The following DYTN variants were observed in gnomAD, a reference collection of about 807,000 sequenced individuals.
The protein encoded by DYTN is dystrotelin.
DYTN carries 75 observed loss-of-function variants against 69.6 expected under a neutral mutation model. The observed-to-expected ratio is 1.08, with a 90% confidence interval of 0.89 to 1.31. The LOEUF is 1.31. Ranked by LOEUF, DYTN falls within the 50% of genes most tolerant of loss-of-function variation. The pLI, the probability that DYTN is intolerant of heterozygous loss-of-function variation, is 0.00. For synonymous variants in DYTN, 252 were observed against 249.1 expected (o/e 1.01, Z -0.11); for missense variants, 726 against 688.4 (o/e 1.05, Z -0.61).
intron 1 of DYTN, among the ~76,000 whole-genome samples, chr2:206,717,037 G>T (rs1374427852): frequency 1.2e-5 from 1 of 80,116 alleles, no homozygotes. Context: ...TTTTTCTGCC[G>T]ATGCAAACAC....
At chr2:206,708,628 T>C (rs1416171248) in intron 2 of DYTN, among the ~76,000 whole-genome samples, 1 of 152,218 alleles carries the variant, frequency 6.6e-6, no homozygotes, top group African/African-American at 2.4e-5. Context: ...TTTCATCTCC[T>C]GCTGAGAGTT....
chr2:206,666,093 T>C, intron 9 of DYTN, 64 bp from the exon 10 acceptor site: 4 of 1,561,954 alleles, frequency 2.6e-6, no homozygotes, highest in Non-Finnish European at 3.5e-6. Context: ...ATTAGAGCCC[T>C]GGTAAGATGT....
chr2:206,677,103 C>T (rs111277562), intron 9 of DYTN, among the ~76,000 whole-genome samples: 21,101 of 151,936 alleles, frequency 0.14, 2,433 homozygotes, highest in African/African-American at 0.31. Flanking sequence ...TGTGCCACCA[C>T]GCCTGGCTAA....
intron 1 of DYTN, among the ~76,000 whole-genome samples, chr2:206,716,242 A>G (rs1002920146): frequency 1.3e-5 from 2 of 152,192 alleles, no homozygotes; most frequent in East Asian, 1.9e-4. Context: ...GCTGTTACAC[A>G]TAAGATACTG....
chr2:206,706,441 T>A (rs1329783052), intron 3 of DYTN, among the ~76,000 whole-genome samples: 1 of 148,832 alleles, frequency 6.7e-6, no homozygotes, highest in Non-Finnish European at 1.5e-5. Context: ...GAAGCTGAAA[T>A]GAAAAAATAA....
intron 6 of DYTN, 56 bp downstream of exon 6, chr2:206,700,089 C>T: frequency 1.9e-6 from 3 of 1,605,310 alleles, no homozygotes; most frequent in South Asian, 1.1e-5. Flanking sequence ...AGTCAGCAAA[C>T]TATCCCAATA....
chr2:206,707,193 C>T (rs905087879), intron 3 of DYTN, 109 bp downstream of exon 3: 1 of 1,329,592 alleles, frequency 7.5e-7, no homozygotes, highest in Non-Finnish European at 1.0e-6. Flanking sequence ...ACAAAGAAGA[C>T]TTCTTATATA....
intron 9 of DYTN, among the ~76,000 whole-genome samples, chr2:206,668,125 C>A (rs890540823): frequency 2.0e-5 from 3 of 152,016 alleles, no homozygotes; most frequent in African/African-American, 7.2e-5. Flanking sequence ...ACACAGCCAA[C>A]AACAAAAAAA....
chr2:206,660,947 C>A (rs747028816), intron 11 of DYTN, among the ~76,000 whole-genome samples: 1 of 152,130 alleles, frequency 6.6e-6, no homozygotes, highest in Non-Finnish European at 1.5e-5. Flanking sequence ...GCCTGACTAA[C>A]CCCTAGTGCC....
At chr2:206,671,102 C>CT (rs1699624969) in intron 9 of DYTN, among the ~76,000 whole-genome samples, 1 of 152,178 alleles carries the variant, frequency 6.6e-6, no homozygotes, top group South Asian at 2.1e-4. Flanking sequence ...TGAACTGCAA[C>CT]CCCAGGACAA....
chr2:206,672,002 T>A (rs1699635110), intron 9 of DYTN, among the ~76,000 whole-genome samples: 1 of 152,214 alleles, frequency 6.6e-6, no homozygotes, highest in African/African-American at 2.4e-5. Context: ...TAATAGACAC[T>A]ATCCATTTGC....
At chr2:206,651,975 T>A in intron 11 of DYTN, 54 bp from the exon 12 acceptor site, 1 of 1,495,682 alleles carries the variant, frequency 6.7e-7, no homozygotes, top group East Asian at 2.3e-5. Context: ...TAGCTTCTCA[T>A]GAAGATATTG....
At chr2:206,702,368 G>T (rs1699984751) in intron 5 of DYTN, among the ~76,000 whole-genome samples, 1 of 152,250 alleles carries the variant, frequency 6.6e-6, no homozygotes, top group South Asian at 2.1e-4. Context: ...CCCTCCTGCT[G>T]AGTCCATCAA....
chr2:206,680,885 T>C (rs1170987163), intron 9 of DYTN, among the ~76,000 whole-genome samples: 2 of 152,190 alleles, frequency 1.3e-5, no homozygotes, highest in African/African-American at 4.8e-5. Context: ...TGGTTCCATA[T>C]GAAATTTAAA....
intron 9 of DYTN, among the ~76,000 whole-genome samples, chr2:206,680,268 C>T (rs1048454836): frequency 6.6e-5 from 10 of 152,114 alleles, no homozygotes; most frequent in African/African-American, 2.2e-4. Flanking sequence ...TCTTATGAGA[C>T]TTACTCACTA....
chr2:206,665,074 C>T (rs2105888787), intron 10 of DYTN, among the ~76,000 whole-genome samples: 1 of 152,286 alleles, frequency 6.6e-6, no homozygotes, highest in Non-Finnish European at 1.5e-5. Context: ...ATCTGAAAGG[C>T]TATTAATATA....
chr2:206,681,565 C>T (rs10167218), intron 9 of DYTN, among the ~76,000 whole-genome samples: 13,210 of 151,926 alleles, frequency 0.087, 1,921 homozygotes, highest in African/African-American at 0.3. Context: ...CCTAGTTTAT[C>T]GAGAGTTTTT....
intron 11 of DYTN, among the ~76,000 whole-genome samples, chr2:206,662,681 A>G (rs756232281): frequency 6.6e-6 from 1 of 151,528 alleles, no homozygotes; most frequent in African/African-American, 2.4e-5. Context: ...CAGGTTCTAT[A>G]CTAAAGTCTT....
intron 2 of DYTN, among the ~76,000 whole-genome samples, chr2:206,707,865 C>G (rs886966728): frequency 6.6e-6 from 1 of 152,140 alleles, no homozygotes; most frequent in Admixed American, 6.5e-5. Flanking sequence ...TTGGGGAAAA[C>G]ATTTTTATAC....
Sources: allele counts gnomAD v4.1 joint callset (sites outside exome capture counted in the v4.1 genomes callset), GRCh38; gene constraint gnomAD v4.1.1; transcripts MANE v1.5; gene names NCBI Gene and HGNC (gene_info 2026-07-23, HGNC 2026-07-21).